RYK: variants seen among roughly 807,000 people sequenced by gnomAD.
RYK encodes inactive tyrosine-protein kinase RYK.
A neutral mutation model predicts 70.2 loss-of-function variants in RYK; 21 were observed. The ratio of observed to expected loss-of-function variants is 0.30; its 90% CI spans 0.21 to 0.43. The LOEUF (loss-of-function observed/expected upper bound fraction) is 0.43, where lower values mean the gene tolerates loss of function less well. Among genes scored for constraint, RYK ranks in the 20% least tolerant of loss-of-function variants. RYK has a pLI of 1.00. For missense variants in RYK, 604 were observed against 753.3 expected (o/e 0.80, Z 2.32); for synonymous variants, 267 against 278.0 (o/e 0.96, Z 0.39).
intron 10 of RYK, chr3:134,178,962 A>C (rs1279404466): frequency 6.6e-6 from 1 of 152,190 alleles, no homozygotes; most frequent in Non-Finnish European, 1.5e-5. Flanking sequence ...TATAAAACAA[A>C]CATTTAATAA....
intron 2 of RYK, among the ~76,000 whole-genome samples, chr3:134,213,868 A>T (rs926999340): frequency 6.6e-6 from 1 of 151,998 alleles, no homozygotes; most frequent in African/African-American, 2.4e-5. Flanking sequence ...CAGTGGCGTG[A>T]TATCGGCTCG....
intron 11 of RYK, among the ~76,000 whole-genome samples, chr3:134,177,574 G>C (rs566701372): frequency 6.6e-6 from 1 of 152,252 alleles, no homozygotes; most frequent in East Asian, 1.9e-4. Context: ...CCAGACTTTG[G>C]TATAGTATGA....
intron 1 of RYK, among the ~76,000 whole-genome samples, chr3:134,240,957 A>G (rs558345535): frequency 1.3e-5 from 2 of 152,364 alleles, no homozygotes; most frequent in East Asian, 3.9e-4. Context: ...TATTGCTGTA[A>G]GCAAATAATA....
At chr3:134,221,540 A>T (rs2014736788) in intron 2 of RYK, among the ~76,000 whole-genome samples, 1 of 151,916 alleles carries the variant, frequency 6.6e-6, no homozygotes, top group Non-Finnish European at 1.5e-5. Flanking sequence ...GTAATATTTA[A>T]ATTTTCCCAA....
Position 134,237,480 on chromosome 3 carries a change from GATGGGTTTTAAAGAAA to G in RYK, c.232+12927_232+12942del, listed in dbSNP as rs558375193. On this transcript the variant is annotated intron_variant, in intron 1 of 14. Transcript: ENST00000623711. ...GTCGATAAAAGTCAACTACATCAAA[GATGGGTTTTAAAGAAA>G]ATGGGTTTTAAAGAAAATGATACTT... Among the ~76,000 whole-genome samples, 181 of 152,206 alleles carry G rather than the reference GATGGGTTTTAAAGAAA, an allele frequency of 1.2e-3. 4 individuals are homozygous for G. The East Asian group carries it at 0.024, about 21-fold the overall frequency.
At chr3:134,235,129 G>A (rs2015167793) in intron 1 of RYK, among the ~76,000 whole-genome samples, 1 of 152,022 alleles carries the variant, frequency 6.6e-6, no homozygotes, top group South Asian at 2.1e-4. Flanking sequence ...ATGGTAAGAA[G>A]GCAGGGAGTG....
intron 6 of RYK, among the ~76,000 whole-genome samples, chr3:134,200,550 T>C (rs896920331): frequency 1.3e-5 from 2 of 152,190 alleles, no homozygotes; most frequent in Non-Finnish European, 2.9e-5. Flanking sequence ...AAGGAACCAA[T>C]TCTGGACATA....
intron 3 of RYK, among the ~76,000 whole-genome samples, chr3:134,211,147 G>A (rs1242237905): frequency 1.3e-5 from 2 of 152,170 alleles, no homozygotes; most frequent in East Asian, 1.9e-4. Context: ...GGAGAGCACT[G>A]ATGGGCTTCA....
chr3:134,248,461 C>T (rs2015527509), intron 1 of RYK, among the ~76,000 whole-genome samples: 2 of 152,166 alleles, frequency 1.3e-5, no homozygotes, highest in Non-Finnish European at 2.9e-5. Context: ...CTTCTACAGA[C>T]AAAATCTTCA....
chr3:134,171,554 C>T (rs549187035), intron 13 of RYK, among the ~76,000 whole-genome samples: 3 of 152,200 alleles, frequency 2.0e-5, no homozygotes, highest in Non-Finnish European at 4.4e-5. Flanking sequence ...TATACCTACA[C>T]AGAAATAAAT....
chr3:134,175,101 G>A (rs968493726), intron 13 of RYK, among the ~76,000 whole-genome samples: 22 of 152,106 alleles, frequency 1.4e-4, no homozygotes, highest in East Asian at 3.9e-4. Flanking sequence ...TTTGGGAGGC[G>A]GAGGCAGGTG....
chr3:134,227,695 A>G (rs997520325), intron 1 of RYK, among the ~76,000 whole-genome samples: 3 of 151,936 alleles, frequency 2.0e-5, no homozygotes, highest in Non-Finnish European at 4.4e-5. Context: ...TTTTAAGATG[A>G]GTCTTGCTCT....
At chr3:134,239,283 G>C (rs1241298779) in intron 1 of RYK, among the ~76,000 whole-genome samples, 1 of 152,074 alleles carries the variant, frequency 6.6e-6, no homozygotes, top group East Asian at 1.9e-4. Flanking sequence ...AGCACAGGGA[G>C]ACCTCATCTA....
At chr3:134,233,983 T>C (rs1019256875) in intron 1 of RYK, among the ~76,000 whole-genome samples, 8 of 152,148 alleles carry the variant, frequency 5.3e-5, no homozygotes, top group African/African-American at 1.9e-4. Flanking sequence ...ATGCATGTTG[T>C]GTTCCACTTT....
intron 6 of RYK, among the ~76,000 whole-genome samples, chr3:134,200,597 T>C (rs907757584): frequency 1.3e-5 from 2 of 152,226 alleles, no homozygotes; most frequent in African/African-American, 4.8e-5. Flanking sequence ...CTTCATAAAA[T>C]GCCATTTACT....
At chr3:134,162,311 A>T (rs1196403405) in intron 13 of RYK, among the ~76,000 whole-genome samples, 1 of 151,892 alleles carries the variant, frequency 6.6e-6, no homozygotes, top group Non-Finnish European at 1.5e-5. Flanking sequence ...AACTTTCAGA[A>T]CACAGAGGAA....
chr3:134,171,777 G>A (rs960108501), intron 13 of RYK, among the ~76,000 whole-genome samples: 1 of 152,028 alleles, frequency 6.6e-6, no homozygotes, highest in African/African-American at 2.4e-5. Flanking sequence ...TGAGGCAGGA[G>A]GACCACTTGA....
At chr3:134,237,971 C>T (rs993242146) in intron 1 of RYK, among the ~76,000 whole-genome samples, 7 of 152,262 alleles carry the variant, frequency 4.6e-5, no homozygotes, top group African/African-American at 1.7e-4. Flanking sequence ...CCACTGAATA[C>T]ATTTTAATGA....
At chr3:134,164,259 T>C (rs1003554626) in intron 13 of RYK, among the ~76,000 whole-genome samples, 2 of 152,220 alleles carry the variant, frequency 1.3e-5, no homozygotes, top group Non-Finnish European at 2.9e-5. Flanking sequence ...TTATTTTTAT[T>C]GTAGTACAGC....
Sources: allele counts gnomAD v4.1 joint callset (sites outside exome capture counted in the v4.1 genomes callset), GRCh38; gene constraint gnomAD v4.1.1; transcripts MANE v1.5; gene names NCBI Gene and HGNC (gene_info 2026-07-23, HGNC 2026-07-21).